TNRC6B: variants seen among roughly 807,000 people sequenced by gnomAD.
TNRC6B encodes the protein trinucleotide repeat containing adaptor 6B, also known as trinucleotide repeat-containing gene 6B protein.
In TNRC6B, 52 loss-of-function variants were observed where a neutral mutation model predicts 203.6. The ratio of observed to expected loss-of-function variants is 0.26; its 90% CI spans 0.20 to 0.32. The LOEUF is 0.32. TNRC6B is among the 10% of genes least tolerant of loss of function. The probability of loss-of-function intolerance (pLI) is 1.00; values close to 1 mark genes in which losing one functional copy is unlikely to be tolerated. For missense variants in TNRC6B, 1,923 were observed against 2,286.2 expected (o/e 0.84, Z 3.24); for synonymous variants, 838 against 845.7 (o/e 0.99, Z 0.16).
chr22:40,250,672 G>A (rs2070179331), intron 2 of TNRC6B, among the ~76,000 whole-genome samples: 1 of 152,074 alleles, frequency 6.6e-6, no homozygotes, highest in Non-Finnish European at 1.5e-5. Context: ...GAAAACTGGG[G>A]GTCTCATAGC....
At chr22:40,114,292 A>G (rs1484012287) in intron 1 of TNRC6B, among the ~76,000 whole-genome samples, 1 of 152,076 alleles carries the variant, frequency 6.6e-6, no homozygotes, top group African/African-American at 2.4e-5. Context: ...GAGTTTAGTT[A>G]GGTACTTGGC....
chr22:40,302,726 G>A (rs570813862), intron 15 of TNRC6B, among the ~76,000 whole-genome samples: 3 of 152,064 alleles, frequency 2.0e-5, no homozygotes, highest in African/African-American at 4.8e-5. Flanking sequence ...CTGACTGTGC[G>A]CCAACCCCGT....
chr22:40,132,969 A>AAAAAAAAATATATATAT (rs1282694632), intron 3 of TNRC6B, among the ~76,000 whole-genome samples: 2 of 78,186 alleles, frequency 2.6e-5, no homozygotes, highest in Non-Finnish European at 5.3e-5. Flanking sequence ...AAAAAAAAAA[A>AAAAAAAAATATATATAT]ATATATATAT....
intron 1 of TNRC6B, among the ~76,000 whole-genome samples, chr22:40,054,968 C>CA (rs1333936863): frequency 6.6e-6 from 1 of 152,038 alleles, no homozygotes; most frequent in African/African-American, 2.4e-5. Flanking sequence ...GCCCGGGAGG[C>CA]AGAGGTTGCA....
intron 1 of TNRC6B, among the ~76,000 whole-genome samples, chr22:40,057,833 G>A (rs2067813117): frequency 6.6e-6 from 1 of 152,164 alleles, no homozygotes; most frequent in Non-Finnish European, 1.5e-5. Context: ...AAATCCTGCT[G>A]ATGGTGTCTC....
intron 15 of TNRC6B, among the ~76,000 whole-genome samples, chr22:40,303,457 A>C (rs547540932): frequency 1.3e-5 from 2 of 152,316 alleles, no homozygotes; most frequent in East Asian, 3.9e-4. Flanking sequence ...GCTATGCATT[A>C]TATTATTCCA....
At chr22:40,302,212 G>A (rs746544041) in intron 15 of TNRC6B, among the ~76,000 whole-genome samples, 2 of 152,144 alleles carry the variant, frequency 1.3e-5, no homozygotes, top group Non-Finnish European at 2.9e-5. Context: ...AATCTAATTG[G>A]TGAGGAAACA....
At chr22:40,141,145 A>G (rs1306461145) in intron 3 of TNRC6B, among the ~76,000 whole-genome samples, 1 of 150,232 alleles carries the variant, frequency 6.7e-6, no homozygotes, top group African/African-American at 2.5e-5. Context: ...TTAATTAACG[A>G]ATTTATTGAG....
chr22:40,301,897 G>T (rs1304252196), intron 15 of TNRC6B, among the ~76,000 whole-genome samples: 1 of 152,068 alleles, frequency 6.6e-6, no homozygotes, highest in African/African-American at 2.4e-5. Context: ...CCTACCGCCG[G>T]GAATTTTTAA....
intron 15 of TNRC6B, among the ~76,000 whole-genome samples, chr22:40,302,922 A>G (rs1205059025): frequency 6.6e-6 from 1 of 152,140 alleles, no homozygotes; most frequent in Non-Finnish European, 1.5e-5. Context: ...GATATAGAAG[A>G]AGGTCAGCTC....
chr22:40,301,273 G>A lies in TNRC6B; in HGVS notation c.4060G>A (p.Ala1354Thr), dbSNP rs573271335. The A allele has an allele frequency of 5.6e-6, 9 of 1,594,272 alleles. No homozygotes were observed. Among genetic ancestry groups the A allele is most frequent in the Non-Finnish European group, 6.8e-6 (8 of 1,169,644 alleles). The change falls in exon 15 of 23, where the codon GCA (alanine) becomes ACA (threonine). Residue 1354 changes from alanine (A) to threonine (T), a missense_variant. Coordinates refer to ENST00000454349, the MANE Select transcript of TNRC6B (RefSeq NM_001162501.2). ...KPHLDNMVPN[A>T]LNVGLPDLQT... ...GCATCTGGACAACATGGTACCCAAC[G>A]CATTGAATGTGGGGCTCCCAGACCT...
Position 40,326,827 on chromosome 22 carries a change from ATGTC to A in TNRC6B, c.*3592_*3595del, listed in dbSNP as rs1330089636. ...CTATGGACTGTCCTATTAATGAAGA[ATGTC>A]TGTCTTACCTCCGTTTGTTTTGGGA... On this transcript the variant is annotated 3_prime_UTR_variant, in exon 23 of 23. Transcript: ENST00000454349. The A allele has an allele frequency of 6.6e-6, 1 of 152,652 alleles. No homozygotes were observed. The highest frequency in any genetic ancestry group is 1.5e-5 in the Non-Finnish European group (1 of 68,036). 9.5% of individuals were successfully genotyped at this position (152,652 alleles called of 1,614,324 possible).
chr22:40,253,522 TGGGGGC>T, intron 3 of TNRC6B: 3 of 450,656 alleles, frequency 6.7e-6, no homozygotes, highest in Admixed American at 2.4e-5. Flanking sequence ...TTTTTCCAAT[TGGGGGC>T]TTTCTCATAC....
intron 1 of TNRC6B, among the ~76,000 whole-genome samples, chr22:40,189,523 C>A (rs902350378): frequency 6.8e-6 from 1 of 146,530 alleles, no homozygotes; most frequent in Non-Finnish European, 1.5e-5. Flanking sequence ...AAAGAGGTTT[C>A]TTTCCTAATT....
intron 1 of TNRC6B, among the ~76,000 whole-genome samples, chr22:40,239,912 A>G (rs752178421): frequency 7.2e-5 from 11 of 151,856 alleles, no homozygotes; most frequent in African/African-American, 2.4e-4. Flanking sequence ...ATCTCAGCTC[A>G]CTGCAACTTC....
intron 12 of TNRC6B, among the ~76,000 whole-genome samples, chr22:40,297,219 A>C (rs1021359265): frequency 2.6e-5 from 4 of 152,232 alleles, no homozygotes; most frequent in Non-Finnish European, 4.4e-5. Context: ...TATTGGCTAA[A>C]CATTAAAACA....
At chr22:40,214,913 A>G (rs2069614887) in intron 1 of TNRC6B, among the ~76,000 whole-genome samples, 1 of 152,216 alleles carries the variant, frequency 6.6e-6, no homozygotes, top group Admixed American at 6.5e-5. Context: ...AGTTAAAAGC[A>G]AACAAAAAAA....
chr22:40,240,357 G>T (rs2070011775), intron 1 of TNRC6B, among the ~76,000 whole-genome samples: 1 of 152,050 alleles, frequency 6.6e-6, no homozygotes. Flanking sequence ...CCCTGCAGAG[G>T]CAATATTAAA....
At chr22:40,283,861 G>GCAATTT (rs2070749879) in intron 11 of TNRC6B, among the ~76,000 whole-genome samples, 1 of 152,186 alleles carries the variant, frequency 6.6e-6, no homozygotes, top group Admixed American at 6.5e-5. Flanking sequence ...CCCTCAGGAA[G>GCAATTT]CAATTTTGTA....
Sources: gnomAD v4.1 joint callset for allele counts (sites outside exome capture counted in the v4.1 genomes callset) on GRCh38, gnomAD v4.1.1 for gene constraint, MANE v1.5 for transcripts, NCBI Gene and HGNC (gene_info 2026-07-23, HGNC 2026-07-21) for gene names.